The following RASA1 variants were observed in gnomAD, a reference collection of about 807,000 sequenced individuals.
RASA1 encodes RAS p21 protein activator 1.
A neutral mutation model predicts 132.2 loss-of-function variants in RASA1; 25 were observed. The ratio of observed to expected loss-of-function variants is 0.19; its 90% CI spans 0.14 to 0.26. The LOEUF (loss-of-function observed/expected upper bound fraction) is 0.26. Ranked by LOEUF, RASA1 falls within the 10% of genes least tolerant of loss-of-function variation. The probability of loss-of-function intolerance (pLI) is 1.00; values close to 1 mark genes in which losing one functional copy is unlikely to be tolerated. For missense variants in RASA1, 964 were observed against 1,299.2 expected, an observed-to-expected ratio of 0.74 and a Z score of 3.97; for synonymous variants, 477 against 449.9, an observed-to-expected ratio of 1.06 and a Z score of -0.76.
At chr5:87,337,480 C>T (rs1468748379) in intron 4 of RASA1, among the ~76,000 whole-genome samples, 14 of 152,024 alleles carry the variant, frequency 9.2e-5, no homozygotes. Context: ...TAAGCATCTA[C>T]ATCATGCTTA....
chr5:87,368,575 T>C (rs1020672968), intron 11 of RASA1, among the ~76,000 whole-genome samples: 3 of 152,230 alleles, frequency 2.0e-5, no homozygotes, highest in Non-Finnish European at 4.4e-5. Context: ...ATAGGGTTAG[T>C]ACATCTTGTA....
At chr5:87,292,185 C>T (rs1188334772) in intron 1 of RASA1, among the ~76,000 whole-genome samples, 1 of 152,056 alleles carries the variant, frequency 6.6e-6, no homozygotes, top group Non-Finnish European at 1.5e-5. Flanking sequence ...TGAAATCCAG[C>T]TTATTCGTTT....
chr5:87,296,116 C>CT lies in RASA1; in HGVS notation c.539+27137dup, dbSNP rs542473809. Among the ~76,000 whole-genome samples the CT allele has an allele frequency of 3.8e-3, 561 of 146,132 alleles. 8 individuals carry two copies. Among genetic ancestry groups the CT allele is most frequent in the South Asian group, 0.028 (131 of 4,616 alleles). ...ACAGGTGTGAGCCACTACAACCAGC[C>CT]TTTTTTTTTTTCTTTTTTTTCCTAA... is the stretch of plus-strand genomic sequence containing the variant. On this transcript the variant is annotated intron_variant, in intron 1 of 24. Coordinates refer to ENST00000274376, the MANE Select transcript of RASA1 (RefSeq NM_002890.3).
Position 87,338,017 on chromosome 5 carries a change from G to A in RASA1, c.943G>A (p.Asp315Asn). ...DMFIVHNELE[D>N]GWMWVTNLRT... ...GTTCATTGTTCATAATGAATTAGAAGATGGATGGATGTGGGTTACAAATTT... is the reference window on the plus strand; with the variant it reads ...GTTCATTGTTCATAATGAATTAGAAAATGGATGGATGTGGGTTACAAATTT... The change falls in exon 5 of 25, where the codon GAT becomes AAT. Residue 315 changes from aspartate to asparagine, a missense_variant. Around this residue, in one of 6 missense-constraint regions of RASA1, gnomAD observed 154 missense variants for 286.5 expected, o/e 0.54. Coordinates refer to ENST00000274376, the MANE Select transcript of RASA1 (RefSeq NM_002890.3). The A allele has an allele frequency of 6.2e-7, 1 of 1,611,820 alleles. No homozygotes were observed. Among genetic ancestry groups the A allele is most frequent in the Non-Finnish European group, 8.5e-7 (1 of 1,178,848 alleles).
intron 1 of RASA1, among the ~76,000 whole-genome samples, chr5:87,323,353 G>C (rs961949684): frequency 2.0e-5 from 3 of 152,158 alleles, no homozygotes; most frequent in African/African-American, 7.2e-5. Flanking sequence ...ATTGTAACTT[G>C]TTTGGGATAT....
At chr5:87,320,935 G>A (rs2112334743) in intron 1 of RASA1, among the ~76,000 whole-genome samples, 1 of 152,322 alleles carries the variant, frequency 6.6e-6, no homozygotes, top group South Asian at 2.1e-4. Context: ...GCCTTTCATG[G>A]TGGCTTTTGA....
At chr5:87,374,960 T>A (rs1170962699) in intron 15 of RASA1, 44 bp downstream of exon 15, 1 of 1,570,020 alleles carries the variant, frequency 6.4e-7, no homozygotes, top group African/African-American at 1.4e-5. Flanking sequence ...AAGCATGTTT[T>A]ATATACTTTC....
intron 1 of RASA1, among the ~76,000 whole-genome samples, chr5:87,284,321 T>C (rs1378989859): frequency 6.6e-6 from 1 of 152,198 alleles, no homozygotes; most frequent in East Asian, 1.9e-4. Context: ...TAAGTGACTA[T>C]AGGTTGCTTT....
At chr5:87,331,567 C>A in intron 2 of RASA1, 67 bp downstream of exon 2, 4 of 1,531,030 alleles carry the variant, frequency 2.6e-6, no homozygotes, top group South Asian at 1.1e-5. Flanking sequence ...CATAAATATA[C>A]CTGTATAATA....
chr5:87,274,639 T>A (rs1753989302), intron 1 of RASA1, among the ~76,000 whole-genome samples: 1 of 152,106 alleles, frequency 6.6e-6, no homozygotes, highest in Admixed American at 6.5e-5. Flanking sequence ...GTAAACCAAT[T>A]ACTGTGATTC....
chr5:87,353,563 T>C (rs994403323), intron 9 of RASA1, among the ~76,000 whole-genome samples: 15 of 151,572 alleles, frequency 9.9e-5, no homozygotes, highest in Admixed American at 9.9e-4. Flanking sequence ...GCCTGGGGAG[T>C]AATAAAAGGA....
chr5:87,384,414 G>A (rs1324630997), intron 21 of RASA1, among the ~76,000 whole-genome samples: 1 of 152,116 alleles, frequency 6.6e-6, no homozygotes, highest in Non-Finnish European at 1.5e-5. Flanking sequence ...ATTATAAACA[G>A]TAGGAACTGG....
rs1305400293 is a variant in RASA1 at position 87,349,282 on chromosome 5, C to T, written c.1171C>T (p.Arg391Trp). The change falls in exon 8 of 25, where the codon CGG becomes TGG. Residue 391 changes from arginine (R) to tryptophan (W), a missense_variant. By Grantham distance (101) the Arg-to-Trp change is moderately radical. This residue lies in a region of RASA1 where 154 missense variants were observed against 286.5 expected (regional missense o/e 0.54). Coordinates refer to ENST00000274376, the MANE Select transcript of RASA1 (RefSeq NM_002890.3). ...TCCTGGCGATTATTCACTTTATTTC[C>T]GGACCAATGAAAATATTCAGCGATT... ...NTPGDYSLYF[R>W]TNENIQRFKI... 1.9e-6 allele frequency: 3 copies of T among 1,611,826 alleles called. No individual in the cohort carries two copies. The highest frequency in any genetic ancestry group is 1.3e-5 in the African/African-American group (1 of 74,746).
chr5:87,386,947 G>C (rs1762103880), intron 23 of RASA1, 44 bp downstream of exon 23: 2 of 1,493,552 alleles, frequency 1.3e-6, no homozygotes, highest in Non-Finnish European at 1.9e-6. Context: ...ACTTCTAGTT[G>C]ATATAGCTGA....
intron 1 of RASA1, among the ~76,000 whole-genome samples, chr5:87,270,646 CTTTTTTTTTTT>C (rs70996415): frequency 1.3e-4 from 9 of 71,780 alleles, no homozygotes; most frequent in South Asian, 4.9e-4. Flanking sequence ...GGTGCCCGGC[CTTTTTTTTTTT>C]TTTTTTTTTT....
At chr5:87,355,473 G>A (rs1759583680) in intron 9 of RASA1, among the ~76,000 whole-genome samples, 1 of 152,144 alleles carries the variant, frequency 6.6e-6, no homozygotes, top group African/African-American at 2.4e-5. Flanking sequence ...GGCCACTGTT[G>A]AAACCTACTG....
At chr5:87,390,701 T>G (rs1580421858) in intron 24 of RASA1, 99 bp from the exon 25 acceptor site, 2 of 921,652 alleles carry the variant, frequency 2.2e-6, no homozygotes, top group Non-Finnish European at 1.8e-6. Flanking sequence ...ATTTTATGCA[T>G]CCTTTTGCTT....
chr5:87,302,492 C>A (rs561614621), intron 1 of RASA1, among the ~76,000 whole-genome samples: 1 of 150,372 alleles, frequency 6.7e-6, no homozygotes, highest in African/African-American at 2.4e-5. Flanking sequence ...TCTTCAATTT[C>A]GCACTGTTGT....
chr5:87,278,358 AAC>A (rs1474058272), intron 1 of RASA1, among the ~76,000 whole-genome samples: 1 of 151,582 alleles, frequency 6.6e-6, no homozygotes, highest in Non-Finnish European at 1.5e-5. Flanking sequence ...CATCCTGGCT[AAC>A]ACGGTGAAAC....
Sources: allele counts gnomAD v4.1 joint callset (sites outside exome capture counted in the v4.1 genomes callset), GRCh38; gene constraint gnomAD v4.1.1; regional missense constraint gnomAD v4.1.1; transcripts MANE v1.5; gene names NCBI Gene and HGNC (gene_info 2026-07-23, HGNC 2026-07-21).